The following RNF13 variants were observed in gnomAD, a reference collection of about 807,000 sequenced individuals.
RNF13 encodes the protein ring finger protein 13.
In RNF13, 19 loss-of-function variants were observed where a neutral mutation model predicts 37.7. The ratio of observed to expected loss-of-function variants is 0.50; its 90% CI spans 0.35 to 0.74. The LOEUF is 0.74. Ranked by LOEUF, RNF13 falls within the 30% of genes least tolerant of loss-of-function variation. The probability of loss-of-function intolerance (pLI) is 0.01; values close to 1 mark genes in which losing one functional copy is unlikely to be tolerated. For missense variants in RNF13, 375 were observed against 453.0 expected, an observed-to-expected ratio of 0.83 and a Z score of 1.56; for synonymous variants, 144 against 157.8, an observed-to-expected ratio of 0.91 and a Z score of 0.65.
intron 6 of RNF13, 98 bp from the exon 7 acceptor site, chr3:149,911,880 T>C (rs1717031671): frequency 1.4e-6 from 1 of 708,806 alleles, no homozygotes; most frequent in Admixed American, 2.3e-5. Context: ...TTGTAATGTC[T>C]ATATGTCTGT....
intron 8 of RNF13, among the ~76,000 whole-genome samples, chr3:149,936,908 A>C (rs1370529816): frequency 1.3e-5 from 2 of 152,200 alleles, no homozygotes; most frequent in South Asian, 4.1e-4. Flanking sequence ...TCTTTTCAGC[A>C]CTAGATGGCA....
rs1307732287 is a variant in RNF13 at position 149,900,968 on chromosome 3, T to G, written c.410-1104T>G. Among the ~76,000 whole-genome samples, 4 of 152,234 alleles carry G rather than the reference T, an allele frequency of 2.6e-5. No individual in the cohort carries two copies. In the East Asian group the frequency reaches 7.7e-4, roughly 29 times the overall value. On this transcript the variant is annotated intron_variant, in intron 5 of 9. Coordinates refer to ENST00000392894, the MANE Select transcript of RNF13 (RefSeq NM_183381.3). The stretch of plus-strand genomic sequence containing the variant: ...ATCAAGATTTTAAACCTTGTCTTTA[T>G]AAGGATGAAAACAATAACAGCAAAA...
At chr3:149,885,563 T>C (rs1034558818) in intron 4 of RNF13, among the ~76,000 whole-genome samples, 1 of 152,200 alleles carries the variant, frequency 6.6e-6, no homozygotes, top group Non-Finnish European at 1.5e-5. Context: ...CTTTTGCCCA[T>C]TTATTAATTG....
At chr3:149,825,059 A>T (rs914991917) in intron 1 of RNF13, among the ~76,000 whole-genome samples, 1 of 151,552 alleles carries the variant, frequency 6.6e-6, no homozygotes, top group African/African-American at 2.4e-5. Flanking sequence ...CCTGGGCTCA[A>T]GCAATCCTTC....
At chr3:149,904,830 AAT>A (rs1716227053) in intron 6 of RNF13, among the ~76,000 whole-genome samples, 1 of 152,110 alleles carries the variant, frequency 6.6e-6, no homozygotes, top group Non-Finnish European at 1.5e-5. Flanking sequence ...TATGTAGGAA[AAT>A]ATATATCTCC....
chr3:149,944,427 C>A (rs943334931), intron 8 of RNF13, among the ~76,000 whole-genome samples: 3 of 152,150 alleles, frequency 2.0e-5, no homozygotes, highest in African/African-American at 7.2e-5. Flanking sequence ...AGTTTACAGT[C>A]CCACCAACAG....
Position 149,872,282 on chromosome 3 carries a change from T to C in RNF13, c.321+128T>C, listed in dbSNP as rs1712160610. ...CCAGTAAGATTGAAAATAAACTGGA[T>C]TCATAGAATAGAAATAATGTTTACT... On this transcript the variant is annotated intron_variant, in intron 4 of 9. Transcript: ENST00000392894. The C allele has an allele frequency of 6.2e-6, 4 of 644,812 alleles. No homozygotes were observed. The South Asian group carries it at 9.8e-5, about 16-fold the overall frequency. The allele number at this position is 644,812 out of a possible 1,614,324, so 39.9% of individuals were successfully genotyped here. A position where few individuals can be genotyped will look rare whatever the true frequency, so the allele number is the denominator to read the frequency against.
intron 8 of RNF13, among the ~76,000 whole-genome samples, chr3:149,949,046 A>G (rs1559971486): frequency 6.6e-6 from 1 of 152,052 alleles, no homozygotes; most frequent in Non-Finnish European, 1.5e-5. Context: ...AAAAAATTAT[A>G]TACCAGATTT....
rs1046035597 is a variant in RNF13, at chr3:149,961,975, G to C, written c.*871G>C. ...GTGACTTATGTTTAACAGAACTAATGATGTATTGAAACACTGTATTATGAA... is the reference window on the plus strand; with the variant it reads ...GTGACTTATGTTTAACAGAACTAATCATGTATTGAAACACTGTATTATGAA... On this transcript the variant is annotated 3_prime_UTR_variant, in exon 10 of 10. Coordinates refer to ENST00000392894, the MANE Select transcript of RNF13 (RefSeq NM_183381.3). The C allele has an allele frequency of 3.9e-5, 6 of 152,606 alleles. No individual in the cohort carries two copies. The highest frequency in any genetic ancestry group is 5.9e-5 in the Non-Finnish European group (4 of 68,028). The allele number at this position is 152,606 out of a possible 1,614,324, so 9.5% of individuals were successfully genotyped here.
intron 3 of RNF13, among the ~76,000 whole-genome samples, chr3:149,860,362 C>A (rs1724136935): frequency 6.7e-6 from 1 of 148,520 alleles, no homozygotes; most frequent in African/African-American, 2.5e-5. Flanking sequence ...ATTATGCACA[C>A]ACATACATAT....
At chr3:149,928,885 C>CT (rs927546906) in intron 8 of RNF13, among the ~76,000 whole-genome samples, 1 of 152,042 alleles carries the variant, frequency 6.6e-6, no homozygotes, top group Non-Finnish European at 1.5e-5. Context: ...GTCTATAAGT[C>CT]TTTCATCTCC....
intron 3 of RNF13, among the ~76,000 whole-genome samples, chr3:149,852,990 C>T (rs376579433): frequency 6.4e-4 from 97 of 151,760 alleles, no homozygotes; most frequent in African/African-American, 2.3e-3. Context: ...TGGTTACCTG[C>T]CTTTTTCTTT....
At chr3:149,958,063 A>G (rs1429960292) in intron 8 of RNF13, among the ~76,000 whole-genome samples, 1 of 152,280 alleles carries the variant, frequency 6.6e-6, no homozygotes, top group Admixed American at 6.5e-5. Flanking sequence ...ACTTGGAACA[A>G]TTCAAAGGAT....
intron 1 of RNF13, among the ~76,000 whole-genome samples, chr3:149,819,435 A>ATAGT (rs200110162): frequency 0.03 from 4,539 of 150,386 alleles, 78 homozygotes; most frequent in South Asian, 0.037. Flanking sequence ...ATGGATCATA[A>ATAGT]TACTCACTTT....
chr3:149,822,093 GTTC>G lies in RNF13; in HGVS notation c.-17+8746_-17+8748del, dbSNP rs1309919809. On this transcript the variant is annotated intron_variant, in intron 1 of 9. Coordinates refer to ENST00000392894, the MANE Select transcript of RNF13 (RefSeq NM_183381.3). ...TGGGAAATGTGAGTTCTCCAGCTTT[GTTC>G]TTCTTTTTAAAAATTGTTTGGCCTG... 7.9e-5 allele frequency among the ~76,000 whole-genome samples: 12 copies of G among 152,190 alleles called. No homozygotes were observed. In the East Asian group the frequency reaches 9.6e-4, roughly 12 times the overall value.
intron 4 of RNF13, among the ~76,000 whole-genome samples, chr3:149,872,577 T>C (rs1712201337): frequency 6.6e-6 from 1 of 152,228 alleles, no homozygotes; most frequent in South Asian, 2.1e-4. Context: ...AAACAAGGTT[T>C]ACCCACCTCC....
At chr3:149,886,883 A>T (rs1347245574) in intron 4 of RNF13, among the ~76,000 whole-genome samples, 1 of 152,212 alleles carries the variant, frequency 6.6e-6, no homozygotes, top group Non-Finnish European at 1.5e-5. Context: ...CATTCATCTC[A>T]AAGTATTGTA....
intron 4 of RNF13, among the ~76,000 whole-genome samples, chr3:149,883,035 G>A (rs896117319): frequency 2.6e-5 from 4 of 152,062 alleles, no homozygotes; most frequent in Non-Finnish European, 4.4e-5. Context: ...TACAACAGCA[G>A]CATTCTCCTA....
At chr3:149,828,821 T>A (rs1720749289) in intron 1 of RNF13, among the ~76,000 whole-genome samples, 1 of 152,194 alleles carries the variant, frequency 6.6e-6, no homozygotes, top group East Asian at 1.9e-4. Flanking sequence ...ATGGATTCAA[T>A]AGGGAACTTT....
Sources: gnomAD v4.1 joint callset for allele counts (sites outside exome capture counted in the v4.1 genomes callset) on GRCh38, gnomAD v4.1.1 for gene constraint, MANE v1.5 for transcripts, NCBI Gene and HGNC (gene_info 2026-07-23, HGNC 2026-07-21) for gene names.